Variants in TRAPPC6B observed in about 807,000 individuals in gnomAD.
TRAPPC6B encodes TRAPP complex subunit 6B.
Under a neutral mutation model 24.7 loss-of-function variants are expected in TRAPPC6B, and 27 were observed. The ratio of observed to expected loss-of-function variants is 1.09; its 90% CI spans 0.81 to 1.51. The LOEUF (loss-of-function observed/expected upper bound fraction) is 1.51, where lower values mean the gene tolerates loss of function less well. TRAPPC6B is among the 40% of genes most tolerant of loss of function. The pLI, the probability that TRAPPC6B is intolerant of heterozygous loss-of-function variation, is 0.00. For synonymous variants in TRAPPC6B, 80 were observed against 66.6 expected, an observed-to-expected ratio of 1.20 and a Z score of -0.98; for missense variants, 212 against 190.8, an observed-to-expected ratio of 1.11 and a Z score of -0.66.
chr14:39,159,393 A>G, intron 2 of TRAPPC6B, 90 bp downstream of exon 2: 1 of 900,678 alleles, frequency 1.1e-6, no homozygotes. Context: ...ATTAAAATTA[A>G]AATATCCCAA....
intron 5 of TRAPPC6B, among the ~76,000 whole-genome samples, chr14:39,151,545 T>G (rs2052913668): frequency 6.6e-6 from 1 of 152,166 alleles, no homozygotes; most frequent in South Asian, 2.1e-4. Flanking sequence ...AATTGTCTTA[T>G]AAATTTGGAT....
At position 39,170,194 on chromosome 14, in the gene TRAPPC6B, C is replaced by G. The variant is rs2053154787; in HGVS notation, c.-99G>C. On this transcript the variant is annotated 5_prime_UTR_variant, in exon 1 of 6. Transcript: ENST00000330149. ...AGCGACTTCGCCGGCGCCGCGGCTC[C>G]GTCAGGCCGCCATTCTATCCCTGTG... is the stretch of plus-strand genomic sequence containing the variant. 8.8e-7 allele frequency: 1 copy of G among 1,135,294 alleles called. No individual in the cohort carries two copies. The highest frequency in any genetic ancestry group is 1.5e-5 in the African/African-American group (1 of 65,008). 70.3% of individuals were successfully genotyped at this position (1,135,294 alleles called of 1,614,324 possible). A position where few individuals can be genotyped will look rare whatever the true frequency, so the allele number is the denominator to read the frequency against.
intron 3 of TRAPPC6B, chr14:39,157,106 CAAAAAA>C (rs58837625): frequency 3.6e-4 from 51 of 142,878 alleles, no homozygotes; most frequent in South Asian, 8.0e-4. Context: ...GACTCCATCT[CAAAAAA>C]AAAAAAAAAA....
At chr14:39,156,716 TAAAG>T (rs2052982899) in intron 3 of TRAPPC6B, 1 of 152,176 alleles carries the variant, frequency 6.6e-6, no homozygotes, top group Non-Finnish European at 1.5e-5. Context: ...GAAATGACTA[TAAAG>T]AATCTCTTCC....
At position 39,148,523 on chromosome 14, in the gene TRAPPC6B, T is replaced by C. The variant is rs1229353906; in HGVS notation, c.*1827A>G. The C allele has an allele frequency of 2.5e-6, 1 of 396,504 alleles. No individual in the cohort carries two copies. Among genetic ancestry groups the C allele is most frequent in the East Asian group, 3.6e-5 (1 of 27,936 alleles). The allele number at this position is 396,504 out of a possible 1,614,324, so 24.6% of individuals were successfully genotyped here. On this transcript the variant is annotated 3_prime_UTR_variant, in exon 6 of 6. Coordinates refer to ENST00000330149, the MANE Select transcript of TRAPPC6B (RefSeq NM_001079537.2). ...TGGCTGATGGGTAGGCATATGAATGTCTAACAAACCAACTTATTTGAACCC... is the reference window on the plus strand; with the variant it reads ...TGGCTGATGGGTAGGCATATGAATGCCTAACAAACCAACTTATTTGAACCC...
At position 39,148,605 on chromosome 14, in the gene TRAPPC6B, T is replaced by G. The variant is rs61999442; in HGVS notation, c.*1745A>C. The G allele has an allele frequency of 0.045, 17,748 of 398,360 alleles. 549 individuals carry two copies. The highest frequency in any genetic ancestry group is 0.14 in the Middle Eastern group (219 of 1,584). 24.7% of individuals were successfully genotyped at this position (398,360 alleles called of 1,614,324 possible). ...TTTTATTTTGAAGTTCTCTATTGTG[T>G]TCTATTTTGATCTACTTCTGTGTCA... On this transcript the variant is annotated 3_prime_UTR_variant, in exon 6 of 6. Coordinates refer to ENST00000330149, the MANE Select transcript of TRAPPC6B (RefSeq NM_001079537.2).
At chr14:39,157,231 C>T (rs2052992736) in intron 3 of TRAPPC6B, 2 of 350,630 alleles carry the variant, frequency 5.7e-6, no homozygotes, top group African/African-American at 2.2e-5. Context: ...TGTGAAATGG[C>T]CCCGCTATAT....
At chr14:39,158,550 C>G in intron 2 of TRAPPC6B, 148 bp from the exon 3 acceptor site, 2 of 564,188 alleles carry the variant, frequency 3.5e-6, no homozygotes, top group Admixed American at 7.4e-5. Flanking sequence ...CAGATTCTGG[C>G]TCTGTCGCCC....
chr14:39,166,361 T>C (rs531700478), intron 1 of TRAPPC6B, among the ~76,000 whole-genome samples: 1 of 152,214 alleles, frequency 6.6e-6, no homozygotes, highest in Non-Finnish European at 1.5e-5. Flanking sequence ...TAGGAACATA[T>C]TTATTAGCAG....
chr14:39,164,470 C>A (rs1256214083), intron 1 of TRAPPC6B, among the ~76,000 whole-genome samples: 1 of 150,814 alleles, frequency 6.6e-6, no homozygotes, highest in Admixed American at 6.6e-5. Flanking sequence ...CCAGCCTGGG[C>A]AATAACAGTG....
chr14:39,168,877 A>C (rs1439310988), intron 1 of TRAPPC6B, among the ~76,000 whole-genome samples: 1 of 152,176 alleles, frequency 6.6e-6, no homozygotes, highest in African/African-American at 2.4e-5. Flanking sequence ...CAAACACTGG[A>C]TTACTTTTCT....
intron 1 of TRAPPC6B, among the ~76,000 whole-genome samples, chr14:39,161,115 A>G (rs2053053616): frequency 6.6e-6 from 1 of 151,880 alleles, no homozygotes; most frequent in South Asian, 2.1e-4. Context: ...CACATAATGT[A>G]CTCCATGCTA....
rs566150201 is a variant in TRAPPC6B, at chr14:39,148,570, C to A, written c.*1780G>T. Reference sequence around the variant, plus strand: ...ACCCAGCTTTTTCACACACACAATTCTCACACCTGTTTTATTTTGAAGTTC... The same window carrying A: ...ACCCAGCTTTTTCACACACACAATTATCACACCTGTTTTATTTTGAAGTTC... On this transcript the variant is annotated 3_prime_UTR_variant, in exon 6 of 6. Coordinates refer to ENST00000330149, the MANE Select transcript of TRAPPC6B (RefSeq NM_001079537.2). The A allele has an allele frequency of 1.5e-5, 6 of 398,066 alleles. No homozygotes were observed. Among genetic ancestry groups the A allele is most frequent in the African/African-American group, 1.0e-4 (5 of 48,732 alleles). 24.7% of individuals were successfully genotyped at this position (398,066 alleles called of 1,614,324 possible).
At chr14:39,158,477 T>C (rs2053014038) in intron 2 of TRAPPC6B, 75 bp from the exon 3 acceptor site, 1 of 755,578 alleles carries the variant, frequency 1.3e-6, no homozygotes, top group African/African-American at 1.8e-5. Context: ...TTAACTAATT[T>C]CCAAATGCCA....
chr14:39,169,118 T>C (rs1731549134), intron 1 of TRAPPC6B, among the ~76,000 whole-genome samples: 1 of 152,226 alleles, frequency 6.6e-6, no homozygotes, highest in Non-Finnish European at 1.5e-5. Flanking sequence ...ACTCATTTTT[T>C]ATCAATAGCA....
At chr14:39,165,240 T>C (rs1277540531) in intron 1 of TRAPPC6B, among the ~76,000 whole-genome samples, 1 of 152,058 alleles carries the variant, frequency 6.6e-6, no homozygotes, top group Non-Finnish European at 1.5e-5. Flanking sequence ...AGAGATGGGG[T>C]TTCACCATGT....
intron 5 of TRAPPC6B, among the ~76,000 whole-genome samples, chr14:39,150,826 C>T (rs2052902470): frequency 6.6e-6 from 1 of 152,126 alleles, no homozygotes; most frequent in South Asian, 2.1e-4. Context: ...TGTGAGGCAC[C>T]ACACCCGGCC....
At chr14:39,163,003 T>A (rs1303303938) in intron 1 of TRAPPC6B, among the ~76,000 whole-genome samples, 1 of 150,704 alleles carries the variant, frequency 6.6e-6, no homozygotes, top group Non-Finnish European at 1.5e-5. Flanking sequence ...CATGTCACCA[T>A]CTTAGGCCCA....
intron 3 of TRAPPC6B, among the ~76,000 whole-genome samples, chr14:39,154,800 T>C (rs1267166736): frequency 1.3e-5 from 2 of 152,200 alleles, no homozygotes; most frequent in Admixed American, 1.3e-4. Context: ...ACAACACTAA[T>C]GTATACCGAA....
Sources: allele counts gnomAD v4.1 joint callset (sites outside exome capture counted in the v4.1 genomes callset), GRCh38; gene constraint gnomAD v4.1.1; transcripts MANE v1.5; gene names NCBI Gene and HGNC (gene_info 2026-07-23, HGNC 2026-07-21).